Variants in CMTM8 observed in about 807,000 individuals in gnomAD.
CMTM8 encodes the protein CKLF like MARVEL transmembrane domain containing 8.
In CMTM8, 12 loss-of-function variants were observed where a neutral mutation model predicts 18.6. The observed-to-expected ratio is 0.65, with a 90% CI of 0.41 to 1.05. The LOEUF (loss-of-function observed/expected upper bound fraction) is 1.05. CMTM8 is among the 50% of genes least tolerant of loss of function. The probability of loss-of-function intolerance (pLI) is 0.00; values close to 1 mark genes in which losing one functional copy is unlikely to be tolerated. For synonymous variants in CMTM8, 87 were observed against 90.6 expected (o/e 0.96, Z 0.23); for missense variants, 217 against 227.2 (o/e 0.95, Z 0.29).
At chr3:32,282,261 A>C (rs1262105834) in intron 1 of CMTM8, among the ~76,000 whole-genome samples, 1 of 152,208 alleles carries the variant, frequency 6.6e-6, no homozygotes, top group Non-Finnish European at 1.5e-5. Context: ...TTTTCAAAAA[A>C]TAAATTTTAA....
At chr3:32,344,716 G>A (rs943433421) in intron 1 of CMTM8, among the ~76,000 whole-genome samples, 1 of 152,140 alleles carries the variant, frequency 6.6e-6, no homozygotes, top group African/African-American at 2.4e-5. Flanking sequence ...GCAACATAGT[G>A]AGACCCCGGC....
intron 1 of CMTM8, among the ~76,000 whole-genome samples, chr3:32,292,833 C>CA (rs1271796294): frequency 6.6e-6 from 1 of 151,984 alleles, no homozygotes; most frequent in Admixed American, 6.6e-5. Flanking sequence ...CTGTGAAGGG[C>CA]AAAATCACCT....
At chr3:32,359,092 T>A (rs9681297) in intron 2 of CMTM8, among the ~76,000 whole-genome samples, 3 of 152,088 alleles carry the variant, frequency 2.0e-5, no homozygotes, top group South Asian at 2.1e-4. Flanking sequence ...GACAGTACCC[T>A]TATTTCCCCT....
intron 1 of CMTM8, among the ~76,000 whole-genome samples, chr3:32,309,724 G>A (rs1431903427): frequency 1.3e-5 from 2 of 152,156 alleles, no homozygotes; most frequent in Non-Finnish European, 2.9e-5. Flanking sequence ...CAGTAACTTG[G>A]CTATTCTGAT....
intron 1 of CMTM8, among the ~76,000 whole-genome samples, chr3:32,304,332 C>A (rs1439400855): frequency 6.6e-6 from 1 of 152,190 alleles, no homozygotes; most frequent in African/African-American, 2.4e-5. Flanking sequence ...TTTCCCCCAA[C>A]AGCCTTGGCC....
chr3:32,317,033 G>A (rs1051568262), intron 1 of CMTM8, among the ~76,000 whole-genome samples: 1 of 152,174 alleles, frequency 6.6e-6, no homozygotes, highest in Non-Finnish European at 1.5e-5. Flanking sequence ...AATTTCAAAC[G>A]CTTCAGAGAG....
Position 32,357,549 on chromosome 3 carries a change from A to G in CMTM8, c.321+3A>G. 1 of 1,613,924 alleles carries G rather than the reference A, an allele frequency of 6.2e-7. No individual in the cohort carries two copies. The highest frequency in any genetic ancestry group is 8.5e-7 in the Non-Finnish European group (1 of 1,179,860). ...CCCAGGTGCCCTGGACAACAGTGGT[A>G]AGGAAGCTGTGGGTGGTGGTCTTGT... On this transcript the variant is annotated splice_donor_region_variant and intron_variant, in intron 2 of 3. Coordinates refer to ENST00000307526, the MANE Select transcript of CMTM8 (RefSeq NM_178868.5).
At chr3:32,240,868 G>T (rs561492564) in intron 1 of CMTM8, among the ~76,000 whole-genome samples, 32 of 152,120 alleles carry the variant, frequency 2.1e-4, no homozygotes, top group Admixed American at 7.9e-4. Flanking sequence ...GTTCACTGCC[G>T]CCTTGACCTC....
At chr3:32,273,070 T>G (rs1702463792) in intron 1 of CMTM8, among the ~76,000 whole-genome samples, 1 of 151,504 alleles carries the variant, frequency 6.6e-6, no homozygotes, top group Admixed American at 6.6e-5. Context: ...CCTATAAGGA[T>G]GGGTATAATT....
chr3:32,284,433 G>T (rs1317150513), intron 1 of CMTM8, among the ~76,000 whole-genome samples: 1 of 152,222 alleles, frequency 6.6e-6, no homozygotes, highest in African/African-American at 2.4e-5. Context: ...AGTGCCCAGG[G>T]AAGCGGAGTG....
chr3:32,276,787 T>G (rs1702526001), intron 1 of CMTM8, among the ~76,000 whole-genome samples: 1 of 152,200 alleles, frequency 6.6e-6, no homozygotes, highest in African/African-American at 2.4e-5. Flanking sequence ...CTGGATGAAC[T>G]TGTTTGGTGA....
chr3:32,311,605 A>C (rs1474917458), intron 1 of CMTM8, among the ~76,000 whole-genome samples: 1 of 152,176 alleles, frequency 6.6e-6, no homozygotes, highest in Non-Finnish European at 1.5e-5. Flanking sequence ...CCCATGTGCA[A>C]TGTCCTCTTT....
chr3:32,346,500 G>A (rs755402825), intron 1 of CMTM8, among the ~76,000 whole-genome samples: 3 of 152,206 alleles, frequency 2.0e-5, no homozygotes, highest in Admixed American at 6.5e-5. Flanking sequence ...GGACAGCAGG[G>A]TAGGTGTCTG....
At chr3:32,341,725 A>G (rs745518627) in intron 1 of CMTM8, among the ~76,000 whole-genome samples, 75 of 151,082 alleles carry the variant, frequency 5.0e-4, no homozygotes, top group Non-Finnish European at 8.1e-4. Flanking sequence ...AAAAATTTAA[A>G]AATCAGCCAG....
At chr3:32,276,342 T>C (rs1346298425) in intron 1 of CMTM8, among the ~76,000 whole-genome samples, 1 of 152,210 alleles carries the variant, frequency 6.6e-6, no homozygotes, top group East Asian at 1.9e-4. Context: ...GTGGGCCTTA[T>C]AAACAGGAAC....
chr3:32,308,924 G>A (rs1198411915), intron 1 of CMTM8, among the ~76,000 whole-genome samples: 1 of 152,170 alleles, frequency 6.6e-6, no homozygotes, highest in Non-Finnish European at 1.5e-5. Flanking sequence ...ATGCTGGAAA[G>A]TCATCGTGGC....
Position 32,350,380 on chromosome 3 carries a change from C to G in CMTM8, c.148-6993C>G, listed in dbSNP as rs561126625. On this transcript the variant is annotated intron_variant, in intron 1 of 3. Coordinates refer to ENST00000307526, the MANE Select transcript of CMTM8 (RefSeq NM_178868.5). ...TAAGCTTTTTTTTTTTTTTTTGAGA[C>G]AGAGTGTTGCTCTGTCACCCAGGCT... 2.8e-5 allele frequency among the ~76,000 whole-genome samples: 4 copies of G among 141,396 alleles called. No homozygotes were observed. The South Asian group carries it at 9.0e-4, about 32-fold the overall frequency. 92.8% of individuals were successfully genotyped at this position (141,396 alleles called of 152,430 possible). A position where few individuals can be genotyped will look rare whatever the true frequency, so the allele number is the denominator to read the frequency against.
chr3:32,276,427 T>C (rs72619949), intron 1 of CMTM8, among the ~76,000 whole-genome samples: 7,147 of 152,278 alleles, frequency 0.047, 676 homozygotes, highest in East Asian at 0.44. Context: ...TTGATGTTTA[T>C]TTTGACTTGA....
At chr3:32,283,742 T>A (rs1349542063) in intron 1 of CMTM8, among the ~76,000 whole-genome samples, 2 of 152,092 alleles carry the variant, frequency 1.3e-5, no homozygotes, top group Non-Finnish European at 2.9e-5. Flanking sequence ...AGAACTAAGA[T>A]GTCAGGAAGG....
Sources: gnomAD v4.1 joint callset for allele counts (sites outside exome capture counted in the v4.1 genomes callset) on GRCh38, gnomAD v4.1.1 for gene constraint, MANE v1.5 for transcripts, NCBI Gene and HGNC (gene_info 2026-07-23, HGNC 2026-07-21) for gene names.